Variants in LRRIQ3 observed in about 807,000 individuals in gnomAD.
The protein encoded by LRRIQ3 is leucine rich repeats and IQ motif containing 3.
A neutral mutation model predicts 59.3 loss-of-function variants in LRRIQ3; 75 were observed. That is an observed-to-expected ratio of 1.26 (90% CI 1.05 to 1.53). The LOEUF (loss-of-function observed/expected upper bound fraction) is 1.53, where lower values mean the gene tolerates loss of function less well. Among genes scored for constraint, LRRIQ3 ranks in the 40% most tolerant of loss-of-function variants. LRRIQ3 has a pLI of 0.00. For synonymous variants in LRRIQ3, 250 were observed against 231.3 expected, an observed-to-expected ratio of 1.08 and a Z score of -0.73; for missense variants, 831 against 710.0, an observed-to-expected ratio of 1.17 and a Z score of -1.94.
rs960156691 is a variant in LRRIQ3, at chr1:74,059,255, T to C, written c.997+15406A>G. The stretch of plus-strand genomic sequence containing the variant: ...ATCTGTATTTATTTGCTTCCTTTTT[T>C]TCCTTTTCTTATTATTTTTGGCTTA... On this transcript the variant is annotated intron_variant, in intron 6 of 7. Coordinates refer to ENST00000354431, the MANE Select transcript of LRRIQ3 (RefSeq NM_001105659.2). 6.6e-5 allele frequency among the ~76,000 whole-genome samples: 10 copies of C among 152,178 alleles called. No homozygotes were observed. The East Asian group carries it at 1.7e-3, about 26-fold the overall frequency.
intron 5 of LRRIQ3, among the ~76,000 whole-genome samples, chr1:74,102,578 T>TA (rs1387612915): frequency 6.6e-6 from 1 of 152,000 alleles, no homozygotes; most frequent in Non-Finnish European, 1.5e-5. Flanking sequence ...TTCAAAGAAT[T>TA]AAAATTAGAA....
intron 4 of LRRIQ3, among the ~76,000 whole-genome samples, chr1:74,141,712 T>A (rs956104825): frequency 4.6e-5 from 7 of 151,852 alleles, no homozygotes; most frequent in Admixed American, 1.3e-4. Flanking sequence ...TATGTCACTT[T>A]TATCCAAAAT....
intron 7 of LRRIQ3, among the ~76,000 whole-genome samples, chr1:74,036,424 A>G (rs1384477752): frequency 2.0e-5 from 3 of 152,136 alleles, no homozygotes; most frequent in African/African-American, 7.2e-5. Flanking sequence ...AAAATTGTCT[A>G]TTCTTCATCA....
At chr1:74,110,168 C>G (rs1646675005) in intron 4 of LRRIQ3, among the ~76,000 whole-genome samples, 1 of 151,848 alleles carries the variant, frequency 6.6e-6, no homozygotes, top group African/African-American at 2.4e-5. Context: ...ACATCATACT[C>G]AATGGTCAAA....
intron 6 of LRRIQ3, among the ~76,000 whole-genome samples, chr1:74,047,622 A>G (rs1345696044): frequency 6.6e-6 from 1 of 152,056 alleles, no homozygotes; most frequent in Non-Finnish European, 1.5e-5. Flanking sequence ...GAGGCCTGAT[A>G]GAGGTCCTTC....
At chr1:74,128,287 T>C (rs1436688507) in intron 4 of LRRIQ3, among the ~76,000 whole-genome samples, 1 of 152,084 alleles carries the variant, frequency 6.6e-6, no homozygotes, top group Non-Finnish European at 1.5e-5. Context: ...TCTCTGTTTT[T>C]ATCTCATTTT....
chr1:74,121,357 A>G (rs1646853361), intron 4 of LRRIQ3, among the ~76,000 whole-genome samples: 1 of 152,142 alleles, frequency 6.6e-6, no homozygotes. Flanking sequence ...AAACAAACCA[A>G]GTAACTTGTG....
chr1:74,143,183 C>T (rs939940457), intron 4 of LRRIQ3, among the ~76,000 whole-genome samples: 5 of 151,878 alleles, frequency 3.3e-5, no homozygotes, highest in African/African-American at 1.2e-4. Context: ...ACAACTTCAG[C>T]AGAGTCATTA....
chr1:74,176,695 T>C (rs921974971), intron 3 of LRRIQ3, among the ~76,000 whole-genome samples: 3 of 152,254 alleles, frequency 2.0e-5, no homozygotes, highest in Admixed American at 6.5e-5. Flanking sequence ...GTGGTCTTAA[T>C]TGGCACAGCT....
chr1:74,183,494 T>C lies in LRRIQ3; in HGVS notation c.191A>G (p.Asp64Gly), dbSNP rs1650142053. Reference sequence around the variant, plus strand: ...TATACAACTTTGAAGTGGATGAATATCTGTAATAAAATTGTTTGAGAAGAT... The same window carrying C: ...TATACAACTTTGAAGTGGATGAATACCTGTAATAAAATTGTTTGAGAAGAT... ...VCIFSNNFIT[D>G]IHPLQSCIKL... The change falls in exon 2 of 8, where the codon GAT becomes GGT. Residue 64 changes from aspartate (D) to glycine (G), a missense_variant. Physicochemically the swap from Asp to Gly is moderately conservative, Grantham distance 94. Transcript: ENST00000354431. 2 of 1,610,162 alleles carry C rather than the reference T, an allele frequency of 1.2e-6. No individual in the cohort carries two copies. Among genetic ancestry groups the C allele is most frequent in the Non-Finnish European group, 1.7e-6 (2 of 1,177,842 alleles).
chr1:74,067,203 G>A (rs990622142), intron 6 of LRRIQ3, among the ~76,000 whole-genome samples: 1 of 152,020 alleles, frequency 6.6e-6, no homozygotes, highest in African/African-American at 2.4e-5. Context: ...TTTTAATCCA[G>A]AGACTTATGA....
chr1:74,034,021 AC>A (rs1421036658), intron 7 of LRRIQ3, among the ~76,000 whole-genome samples: 3 of 151,596 alleles, frequency 2.0e-5, no homozygotes, highest in Non-Finnish European at 4.4e-5. Context: ...ATGCTTAAAT[AC>A]TCCTGTGGGT....
At chr1:74,127,612 G>A (rs1328602946) in intron 4 of LRRIQ3, among the ~76,000 whole-genome samples, 8 of 151,502 alleles carry the variant, frequency 5.3e-5, no homozygotes, top group Non-Finnish European at 1.2e-4. Flanking sequence ...ATTCGACACT[G>A]GACTTCATCC....
At chr1:74,078,781 T>C in intron 5 of LRRIQ3, 1 of 151,782 alleles carries the variant, frequency 6.6e-6, no homozygotes, top group Non-Finnish European at 1.5e-5. Flanking sequence ...CCTATATAAA[T>C]AGGCTATAGA....
intron 4 of LRRIQ3, among the ~76,000 whole-genome samples, chr1:74,154,666 C>A (rs1230606357): frequency 6.6e-6 from 1 of 152,160 alleles, no homozygotes; most frequent in Admixed American, 6.5e-5. Flanking sequence ...TTAATTAGAT[C>A]TGTATTTAAT....
At chr1:74,101,473 A>T (rs989449080) in intron 5 of LRRIQ3, among the ~76,000 whole-genome samples, 9 of 152,220 alleles carry the variant, frequency 5.9e-5, no homozygotes, top group African/African-American at 1.4e-4. Flanking sequence ...ACGGTAAACC[A>T]GTTCAAGCAT....
intron 5 of LRRIQ3, among the ~76,000 whole-genome samples, chr1:74,077,461 C>CA (rs1178584132): frequency 6.6e-5 from 10 of 151,352 alleles, no homozygotes; most frequent in Admixed American, 3.3e-4. Flanking sequence ...GAACCCCCCC[C>CA]AAAAAAAATC....
chr1:74,170,216 TTG>T lies in LRRIQ3; in HGVS notation c.573+12320_573+12321del, dbSNP rs1649238743. 4.6e-5 allele frequency among the ~76,000 whole-genome samples: 7 copies of T among 152,230 alleles called. No individual in the cohort carries two copies. In the South Asian group the frequency reaches 1.5e-3, roughly 32 times the overall value. ...AATGGACTGTTTTTGCTTTTGTTGATTGTGTTTTTAGTGGGATATTGGAGAAA... is the reference window on the plus strand; with the variant it reads ...AATGGACTGTTTTTGCTTTTGTTGATTGTTTTTAGTGGGATATTGGAGAAA... On this transcript the variant is annotated intron_variant, in intron 3 of 7. Transcript: ENST00000354431.
intron 5 of LRRIQ3, among the ~76,000 whole-genome samples, chr1:74,105,692 G>C (rs1324367907): frequency 4.0e-5 from 6 of 151,846 alleles, no homozygotes; most frequent in Non-Finnish European, 8.8e-5. Flanking sequence ...AATAATTAAT[G>C]GAAAGGGTTC....
Sources: gnomAD v4.1 joint callset for allele counts (sites outside exome capture counted in the v4.1 genomes callset) on GRCh38, gnomAD v4.1.1 for gene constraint, MANE v1.5 for transcripts, NCBI Gene and HGNC (gene_info 2026-07-23, HGNC 2026-07-21) for gene names.